The following CTNS variants were observed in gnomAD, a reference collection of about 807,000 sequenced individuals.
The protein encoded by CTNS is cystinosin.
Under a neutral mutation model 43.7 loss-of-function variants are expected in CTNS, and 27 were observed. The observed-to-expected ratio is 0.62, with a 90% CI of 0.46 to 0.85. The LOEUF is 0.85. Among genes scored for constraint, CTNS ranks in the 40% least tolerant of loss-of-function variants. The probability of loss-of-function intolerance (pLI) is 0.00; values close to 1 mark genes in which losing one functional copy is unlikely to be tolerated. For synonymous variants in CTNS, 187 were observed against 190.6 expected, an observed-to-expected ratio of 0.98 and a Z score of 0.16; for missense variants, 457 against 475.4, an observed-to-expected ratio of 0.96 and a Z score of 0.36.
Position 3,661,005 on chromosome 17 carries a change from G to C in CTNS, c.*636G>C, listed in dbSNP as rs2076268219. On this transcript the variant is annotated 3_prime_UTR_variant, in exon 12 of 12. Transcript: ENST00000046640. ...CAGATTGGTTCTGAATTGGATTCAT[G>C]CCCAGCGCATTAGCATAGTAACTCC... 1 of 529,770 alleles carries C rather than the reference G, an allele frequency of 1.9e-6. No homozygotes were observed. The highest frequency in any genetic ancestry group is 1.9e-5 in the African/African-American group (1 of 52,404). 32.8% of individuals were successfully genotyped at this position (529,770 alleles called of 1,614,324 possible).
At chr17:3,641,355 G>GAGAT (rs777820533) in intron 3 of CTNS, among the ~76,000 whole-genome samples, 1 of 64,022 alleles carries the variant, frequency 1.6e-5, no homozygotes, top group African/African-American at 8.1e-5. Flanking sequence ...ACAAAAATCA[G>GAGAT]ATACATATAT....
chr17:3,658,976 G>A (rs1034551590), intron 10 of CTNS, among the ~76,000 whole-genome samples: 3 of 152,296 alleles, frequency 2.0e-5, no homozygotes, highest in South Asian at 2.1e-4. Context: ...AGCTGGGGGG[G>A]GCTTCCGAGG....
intron 5 of CTNS, among the ~76,000 whole-genome samples, chr17:3,652,677 T>C (rs1201975491): frequency 6.6e-6 from 1 of 152,210 alleles, no homozygotes; most frequent in Non-Finnish European, 1.5e-5. Context: ...TTCTGTCTTG[T>C]ATCGGTCAAT....
chr17:3,651,856 C>G (rs953602077), intron 5 of CTNS, among the ~76,000 whole-genome samples: 1 of 151,578 alleles, frequency 6.6e-6, no homozygotes, highest in African/African-American at 2.4e-5. Flanking sequence ...CGCCTATAAT[C>G]CCAGCTACTC....
chr17:3,650,756 G>A (rs1387108908), intron 5 of CTNS, among the ~76,000 whole-genome samples: 9 of 152,126 alleles, frequency 5.9e-5, no homozygotes, highest in African/African-American at 1.4e-4. Context: ...GCCAAACATC[G>A]AAGTCAAAGT....
At position 3,660,572 on chromosome 17, in the gene CTNS, G is replaced by A. The variant is rs1424902999; in HGVS notation, c.*203G>A. The stretch of plus-strand genomic sequence containing the variant: ...GCCCCTCCTGGGCCTCCCCGGCCAG[G>A]CACGTGGCACCGTCGCCTTGACACC... On this transcript the variant is annotated 3_prime_UTR_variant, in exon 12 of 12. Transcript: ENST00000046640. 4 of 1,613,140 alleles carry A rather than the reference G, an allele frequency of 2.5e-6. No individual in the cohort carries two copies. Among genetic ancestry groups the A allele is most frequent in the Non-Finnish European group, 3.4e-6 (4 of 1,179,992 alleles).
intron 9 of CTNS, among the ~76,000 whole-genome samples, chr17:3,657,372 C>T (rs1275825078): frequency 1.3e-5 from 2 of 152,190 alleles, no homozygotes. Context: ...GGGCAGGGCC[C>T]CACCAAGGCT....
chr17:3,651,631 G>C (rs1347274250), intron 5 of CTNS, among the ~76,000 whole-genome samples: 2 of 152,100 alleles, frequency 1.3e-5, no homozygotes, highest in Non-Finnish European at 2.9e-5. Flanking sequence ...GCTGTGATGT[G>C]TGTACTTCTC....
chr17:3,650,097 G>A lies in CTNS; in HGVS notation c.225+1166G>A, dbSNP rs2075943456. On this transcript the variant is annotated intron_variant, in intron 5 of 11. Coordinates refer to ENST00000046640, the MANE Select transcript of CTNS (RefSeq NM_004937.3). ...TAGCTTGATTTAGTCATTTCACAAT[G>A]TATGCATACATCAAAGCATCACGTT... 8 of 1,507,456 alleles carry A rather than the reference G, an allele frequency of 5.3e-6. No homozygotes were observed. In the South Asian group the frequency reaches 8.7e-5, roughly 16 times the overall value. The allele number at this position is 1,507,456 out of a possible 1,614,324, so 93.4% of individuals were successfully genotyped here.
intron 3 of CTNS, 58 bp downstream of exon 3, chr17:3,640,325 G>A (rs2075654366): frequency 2.7e-6 from 4 of 1,504,444 alleles, no homozygotes; most frequent in Non-Finnish European, 3.7e-6. Context: ...CTAGAGGAAG[G>A]AGTAATCTGA....
chr17:3,644,622 G>A (rs1479739055), intron 3 of CTNS, among the ~76,000 whole-genome samples: 10 of 152,072 alleles, frequency 6.6e-5, no homozygotes, highest in Non-Finnish European at 1.3e-4. Context: ...CTGCCATCAC[G>A]CCCAGCTAAT....
rs1023869498 is a variant in CTNS, at chr17:3,661,238, G to A, written c.*869G>A. The stretch of plus-strand genomic sequence containing the variant: ...AAACGGCGACCAGCTCCCCTGGAGC[G>A]AGGGCAGGCCCCTTCCCTCTCTTTC... On this transcript the variant is annotated 3_prime_UTR_variant, in exon 12 of 12. Coordinates refer to ENST00000046640, the MANE Select transcript of CTNS (RefSeq NM_004937.3). The A allele has an allele frequency of 5.0e-5, 10 of 200,872 alleles. No individual in the cohort carries two copies. Among genetic ancestry groups the A allele is most frequent in the Admixed American group, 1.6e-4 (3 of 18,948 alleles). The allele number at this position is 200,872 out of a possible 1,614,324, so 12.4% of individuals were successfully genotyped here.
At chr17:3,643,105 G>C (rs760582717) in intron 3 of CTNS, among the ~76,000 whole-genome samples, 11 of 151,756 alleles carry the variant, frequency 7.2e-5, no homozygotes, top group Non-Finnish European at 1.6e-4. Context: ...ACAAGGTCAG[G>C]AGATCGAGAC....
intron 3 of CTNS, among the ~76,000 whole-genome samples, chr17:3,644,443 C>G (rs566958147): frequency 6.6e-6 from 1 of 152,234 alleles, no homozygotes; most frequent in East Asian, 1.9e-4. Context: ...GGAGTGTTCA[C>G]AAACTCCTAT....
At chr17:3,639,878 T>A (rs1033402864) in intron 2 of CTNS, among the ~76,000 whole-genome samples, 4 of 152,194 alleles carry the variant, frequency 2.6e-5, no homozygotes, top group Non-Finnish European at 5.9e-5. Context: ...AATTGCATTC[T>A]TTCTTTCTGC....
At chr17:3,657,027 C>G (rs2076165630) in intron 9 of CTNS, 2 of 592,728 alleles carry the variant, frequency 3.4e-6, no homozygotes, top group Non-Finnish European at 5.9e-6. Flanking sequence ...GAGCCGTGCA[C>G]AGAGGAGCAC....
At chr17:3,644,026 G>C (rs2075785641) in intron 3 of CTNS, among the ~76,000 whole-genome samples, 1 of 152,168 alleles carries the variant, frequency 6.6e-6, no homozygotes, top group Admixed American at 6.6e-5. Flanking sequence ...GGATGGTGTT[G>C]TGACTCATTT....
rs1352596035 is a variant in CTNS at position 3,641,389 on chromosome 17, T to A, written c.61+1122T>A. Among the ~76,000 whole-genome samples the A allele has an allele frequency of 1.7e-3, 126 of 74,864 alleles. 1 individual carries two copies. In the South Asian group the frequency reaches 0.026, roughly 15 times the overall value. 49.1% of individuals were successfully genotyped at this position (74,864 alleles called of 152,430 possible). A position where few individuals can be genotyped will look rare whatever the true frequency, so the allele number is the denominator to read the frequency against. ...ATATATATATATATATATATATTTT[T>A]TTTTTTTTTTTTTTTTTTTTGAGAC... On this transcript the variant is annotated intron_variant, in intron 3 of 11. Coordinates refer to ENST00000046640, the MANE Select transcript of CTNS (RefSeq NM_004937.3).
intron 7 of CTNS, chr17:3,655,639 G>A (rs945520236): frequency 1.5e-4 from 66 of 445,160 alleles, no homozygotes; most frequent in African/African-American, 4.0e-4. Flanking sequence ...GCAGTCCATC[G>A]TGAATCTCCT....
Sources: gnomAD v4.1 joint callset for allele counts (sites outside exome capture counted in the v4.1 genomes callset) on GRCh38, gnomAD v4.1.1 for gene constraint, MANE v1.5 for transcripts, NCBI Gene and HGNC (gene_info 2026-07-23, HGNC 2026-07-21) for gene names.